The following LDB2 variants were observed in gnomAD, a reference collection of about 807,000 sequenced individuals.
LDB2 encodes LIM domain-binding protein 2.
A neutral mutation model predicts 44.3 loss-of-function variants in LDB2; 12 were observed. That is an observed-to-expected ratio of 0.27 (90% CI 0.17 to 0.44). LDB2 has a LOEUF of 0.44. Ranked by LOEUF, LDB2 falls within the 20% of genes least tolerant of loss-of-function variation. The pLI, the probability that LDB2 is intolerant of heterozygous loss-of-function variation, is 1.00. For synonymous variants in LDB2, 164 were observed against 174.8 expected (o/e 0.94, Z 0.49); for missense variants, 344 against 473.5 (o/e 0.73, Z 2.54).
intron 2 of LDB2, among the ~76,000 whole-genome samples, chr4:16,725,683 C>A (rs1660023334): frequency 6.6e-6 from 1 of 152,042 alleles, no homozygotes. Context: ...GTCCCCAGAT[C>A]AAAGACCTCT....
At chr4:16,654,110 G>A (rs1331437251) in intron 2 of LDB2, among the ~76,000 whole-genome samples, 2 of 152,090 alleles carry the variant, frequency 1.3e-5, no homozygotes, top group African/African-American at 2.4e-5. Context: ...TCCAAATATC[G>A]GTGCAAAGGA....
chr4:16,844,680 TTTTG>T lies in LDB2; in HGVS notation c.132+53670_132+53673del, dbSNP rs1329266118. Among the ~76,000 whole-genome samples, 7 of 152,276 alleles carry T rather than the reference TTTTG, an allele frequency of 4.6e-5. No individual in the cohort carries two copies. In the East Asian group the frequency reaches 9.7e-4, roughly 21 times the overall value. ...GTCTTCTCTCATCTTGTTTCGTTTG[TTTTG>T]TTTTTGTTTTTTTGTCCATGACTTT... On this transcript the variant is annotated intron_variant, in intron 1 of 7. Coordinates refer to ENST00000304523, the MANE Select transcript of LDB2 (RefSeq NM_001290.5).
At chr4:16,839,303 G>A (rs554848866) in intron 1 of LDB2, among the ~76,000 whole-genome samples, 4 of 152,314 alleles carry the variant, frequency 2.6e-5, no homozygotes, top group African/African-American at 9.6e-5. Context: ...AAGGGGAGCC[G>A]ATGTGTGCAG....
chr4:16,755,365 T>C (rs1169935315), intron 2 of LDB2, among the ~76,000 whole-genome samples: 1 of 152,190 alleles, frequency 6.6e-6, no homozygotes, highest in Non-Finnish European at 1.5e-5. Flanking sequence ...GTCTTCTGTT[T>C]CAGATAAAGG....
At chr4:16,719,537 T>C (rs1336148164) in intron 2 of LDB2, among the ~76,000 whole-genome samples, 1 of 152,132 alleles carries the variant, frequency 6.6e-6, no homozygotes, top group Non-Finnish European at 1.5e-5. Context: ...CTTTTGAAGA[T>C]GCTAAAGTGT....
intron 1 of LDB2, among the ~76,000 whole-genome samples, chr4:16,876,453 T>C (rs946845317): frequency 2.6e-5 from 4 of 152,208 alleles, no homozygotes; most frequent in Non-Finnish European, 4.4e-5. Flanking sequence ...CCCTAATGTA[T>C]TCATATTGCA....
chr4:16,828,100 T>G (rs1783385183), intron 1 of LDB2, among the ~76,000 whole-genome samples: 1 of 152,152 alleles, frequency 6.6e-6, no homozygotes, highest in Admixed American at 6.5e-5. Flanking sequence ...TCTGCTCTCC[T>G]CGCTCTCCAA....
At chr4:16,733,370 G>A (rs903401695) in intron 2 of LDB2, among the ~76,000 whole-genome samples, 4 of 151,924 alleles carry the variant, frequency 2.6e-5, no homozygotes, top group Non-Finnish European at 4.4e-5. Flanking sequence ...AAAAAAAGTT[G>A]GGGGGCTCTT....
chr4:16,846,484 T>C (rs1328276801), intron 1 of LDB2, among the ~76,000 whole-genome samples: 3 of 152,202 alleles, frequency 2.0e-5, no homozygotes, highest in African/African-American at 7.2e-5. Flanking sequence ...AGTCTAAAAA[T>C]TCTATCTATA....
intron 2 of LDB2, chr4:16,726,552 G>A (rs1759512110): frequency 6.6e-6 from 1 of 152,178 alleles, no homozygotes. Flanking sequence ...ATGAGTATGT[G>A]GAGTTCACCA....
At chr4:16,805,714 C>A (rs1413678348) in intron 1 of LDB2, among the ~76,000 whole-genome samples, 1 of 152,184 alleles carries the variant, frequency 6.6e-6, no homozygotes, top group Non-Finnish European at 1.5e-5. Context: ...ATAGCAATTA[C>A]AGGGACGAAA....
chr4:16,814,499 C>T (rs1183990371), intron 1 of LDB2, among the ~76,000 whole-genome samples: 1 of 151,766 alleles, frequency 6.6e-6, no homozygotes. Flanking sequence ...CTCCCCCAAG[C>T]CTGATTCTTC....
At chr4:16,714,972 C>T (rs1405190671) in intron 2 of LDB2, among the ~76,000 whole-genome samples, 2 of 152,166 alleles carry the variant, frequency 1.3e-5, no homozygotes, top group Non-Finnish European at 2.9e-5. Context: ...TTTTCAAATA[C>T]TATGGGTTAG....
intron 1 of LDB2, among the ~76,000 whole-genome samples, chr4:16,846,487 T>C (rs1787030100): frequency 6.6e-6 from 1 of 152,252 alleles, no homozygotes; most frequent in Non-Finnish European, 1.5e-5. Flanking sequence ...CTAAAAATTC[T>C]ATCTATATAT....
intron 2 of LDB2, among the ~76,000 whole-genome samples, chr4:16,732,328 CAA>C (rs1760923275): frequency 6.6e-6 from 1 of 152,174 alleles, no homozygotes; most frequent in African/African-American, 2.4e-5. Flanking sequence ...CTCACAATAA[CAA>C]TGCATTCCTT....
chr4:16,738,358 A>G (rs1762316658), intron 2 of LDB2, among the ~76,000 whole-genome samples: 1 of 152,206 alleles, frequency 6.6e-6, no homozygotes, highest in African/African-American at 2.4e-5. Flanking sequence ...ATTTTCTTTT[A>G]TAGGAAGAAG....
intron 1 of LDB2, among the ~76,000 whole-genome samples, chr4:16,817,392 T>C (rs571076972): frequency 5.6e-4 from 85 of 152,326 alleles, no homozygotes; most frequent in African/African-American, 1.9e-3. Context: ...TGCTACTAAA[T>C]GCCATTCTGA....
intron 1 of LDB2, among the ~76,000 whole-genome samples, chr4:16,846,787 C>G (rs1276179380): frequency 6.6e-6 from 1 of 152,176 alleles, no homozygotes; most frequent in Non-Finnish European, 1.5e-5. Flanking sequence ...AAAGCCAAAT[C>G]ACATGGACAA....
chr4:16,812,978 C>G (rs1780187869), intron 1 of LDB2, among the ~76,000 whole-genome samples: 1 of 151,844 alleles, frequency 6.6e-6, no homozygotes, highest in Non-Finnish European at 1.5e-5. Flanking sequence ...ACTTTTGAAG[C>G]AGGCGTGCCT....
Sources: gnomAD v4.1 joint callset for allele counts (sites outside exome capture counted in the v4.1 genomes callset) on GRCh38, gnomAD v4.1.1 for gene constraint, MANE v1.5 for transcripts, NCBI Gene and HGNC (gene_info 2026-07-23, HGNC 2026-07-21) for gene names.